Variants in ZBTB20 observed in about 807,000 individuals in gnomAD.
The protein encoded by ZBTB20 is zinc finger and BTB domain-containing protein 20.
In ZBTB20, 9 loss-of-function variants were observed where a neutral mutation model predicts 56.9. That is an observed-to-expected ratio of 0.16 (90% CI 0.10 to 0.28). The LOEUF (loss-of-function observed/expected upper bound fraction) is 0.28. ZBTB20 is among the 10% of genes least tolerant of loss of function. ZBTB20 has a pLI of 1.00. For synonymous variants in ZBTB20, 417 were observed against 420.7 expected (o/e 0.99, Z 0.11); for missense variants, 655 against 1,003.0 (o/e 0.65, Z 4.69).
intron 7 of ZBTB20, among the ~76,000 whole-genome samples, chr3:114,401,513 C>T (rs368601083): frequency 6.6e-6 from 1 of 151,930 alleles, no homozygotes; most frequent in Admixed American, 6.6e-5. Flanking sequence ...GGTTCTTGGC[C>T]GAGATCATTT....
intron 8 of ZBTB20, among the ~76,000 whole-genome samples, chr3:114,383,885 A>G (rs1289886463): frequency 2.0e-5 from 3 of 152,224 alleles, no homozygotes; most frequent in Non-Finnish European, 4.4e-5. Context: ...GGCTGTATAA[A>G]AAGAATTATA....
intron 1 of ZBTB20, among the ~76,000 whole-genome samples, chr3:115,125,377 T>C (rs934403552): frequency 1.3e-5 from 2 of 150,880 alleles, no homozygotes; most frequent in Non-Finnish European, 2.9e-5. Flanking sequence ...GTGACATACA[T>C]ACACAATGGA....
intron 2 of ZBTB20, among the ~76,000 whole-genome samples, chr3:115,013,981 C>T (rs1205843085): frequency 6.6e-6 from 1 of 150,992 alleles, no homozygotes; most frequent in South Asian, 2.1e-4. Flanking sequence ...ATCTGCACTC[C>T]TATGTTTATT....
intron 5 of ZBTB20, among the ~76,000 whole-genome samples, chr3:114,778,143 C>T (rs1375064101): frequency 6.8e-6 from 1 of 148,036 alleles, no homozygotes; most frequent in Non-Finnish European, 1.5e-5. Flanking sequence ...ATACCTAATG[C>T]TAAATGACGA....
rs2108001698 is a variant in ZBTB20 at position 114,321,997 on chromosome 3, A to T, written c.*17008T>A. ...TCCAAGCATTTTCCTTGCCATGGGC[A>T]TGGGCGTTTCAACCACTCCAGAAAT... On this transcript the variant is annotated 3_prime_UTR_variant, in exon 12 of 12. Coordinates refer to ENST00000675478, the MANE Select transcript of ZBTB20 (RefSeq NM_001348800.3). 1 of 152,404 alleles carries T rather than the reference A, an allele frequency of 6.6e-6. No homozygotes were observed. Among genetic ancestry groups the T allele is most frequent in the South Asian group, 2.1e-4 (1 of 4,830 alleles). 9.4% of individuals were successfully genotyped at this position (152,404 alleles called of 1,614,324 possible).
intron 11 of ZBTB20, among the ~76,000 whole-genome samples, chr3:114,348,671 C>T (rs2722015): frequency 0.39 from 59,079 of 152,020 alleles, 11,747 homozygotes; most frequent in South Asian, 0.42. Context: ...AGGCAAAGTT[C>T]ATCTTAAGCA....
At chr3:114,661,358 G>A (rs770168259) in intron 6 of ZBTB20, among the ~76,000 whole-genome samples, 3 of 152,102 alleles carry the variant, frequency 2.0e-5, no homozygotes, top group Non-Finnish European at 4.4e-5. Context: ...CGAAAGATGT[G>A]ATTTTTGGAG....
At chr3:114,846,699 G>C (rs1018837188) in intron 4 of ZBTB20, among the ~76,000 whole-genome samples, 1 of 152,196 alleles carries the variant, frequency 6.6e-6, no homozygotes. Context: ...GTTTCTCTAT[G>C]AATTTTACTA....
intron 3 of ZBTB20, among the ~76,000 whole-genome samples, chr3:114,947,007 A>G (rs1560426131): frequency 1.4e-5 from 2 of 145,698 alleles, no homozygotes; most frequent in African/African-American, 5.6e-5. Flanking sequence ...AGACATGAAT[A>G]GCCATTTTTC....
chr3:114,579,485 T>A (rs2054423669), intron 6 of ZBTB20, among the ~76,000 whole-genome samples: 1 of 150,180 alleles, frequency 6.7e-6, no homozygotes, highest in East Asian at 1.9e-4. Context: ...TTATTGAAAG[T>A]AAAAGGGTAA....
intron 4 of ZBTB20, among the ~76,000 whole-genome samples, chr3:114,812,951 C>T (rs1375075310): frequency 2.0e-5 from 3 of 149,016 alleles, no homozygotes; most frequent in African/African-American, 2.5e-5. Flanking sequence ...GCTCCGAGTG[C>T]GGGGTCCGTC....
chr3:115,079,820 A>G (rs548593425), intron 1 of ZBTB20, among the ~76,000 whole-genome samples: 44 of 152,342 alleles, frequency 2.9e-4, no homozygotes, highest in Non-Finnish European at 5.7e-4. Flanking sequence ...TATTATCCAT[A>G]CTTTAAAAAT....
intron 4 of ZBTB20, among the ~76,000 whole-genome samples, chr3:114,840,739 GACAAAAAAAAGTAGTTCTC>G (rs1312449626): frequency 6.6e-6 from 1 of 151,612 alleles, no homozygotes; most frequent in African/African-American, 2.4e-5. Flanking sequence ...CATTAAAACA[GACAAAAAAAAGTAGTTCTC>G]ACAATAATTT....
At chr3:114,880,800 T>C (rs2076369050) in intron 4 of ZBTB20, among the ~76,000 whole-genome samples, 3 of 152,162 alleles carry the variant, frequency 2.0e-5, no homozygotes, top group South Asian at 4.1e-4. Flanking sequence ...AATATATTGC[T>C]AGTTGAAAAA....
At chr3:115,019,558 C>G (rs778563685) in intron 2 of ZBTB20, among the ~76,000 whole-genome samples, 1 of 151,196 alleles carries the variant, frequency 6.6e-6, no homozygotes, top group Non-Finnish European at 1.5e-5. Context: ...GAAAAATTAG[C>G]GGACATCTAA....
intron 5 of ZBTB20, among the ~76,000 whole-genome samples, chr3:114,789,797 G>A (rs752253011): frequency 1.3e-5 from 2 of 152,062 alleles, no homozygotes; most frequent in Non-Finnish European, 2.9e-5. Flanking sequence ...AATGGTCTGC[G>A]GAAGTCATGA....
chr3:114,468,112 G>A (rs1400768084), intron 7 of ZBTB20, among the ~76,000 whole-genome samples: 1 of 152,098 alleles, frequency 6.6e-6, no homozygotes, highest in Non-Finnish European at 1.5e-5. Flanking sequence ...AGGTGCTTTA[G>A]AAGAACAAAC....
chr3:114,704,512 T>C (rs1445698135), intron 5 of ZBTB20, among the ~76,000 whole-genome samples: 3 of 152,042 alleles, frequency 2.0e-5, no homozygotes, highest in African/African-American at 7.2e-5. Context: ...ATGACAAATA[T>C]ACAAAGAACA....
intron 6 of ZBTB20, among the ~76,000 whole-genome samples, chr3:114,621,127 T>C (rs1290182034): frequency 6.6e-6 from 1 of 152,182 alleles, no homozygotes; most frequent in African/African-American, 2.4e-5. Context: ...TTTTAAACTT[T>C]TATATATATA....
Sources: allele counts gnomAD v4.1 joint callset (sites outside exome capture counted in the v4.1 genomes callset), GRCh38; gene constraint gnomAD v4.1.1; transcripts MANE v1.5; gene names NCBI Gene and HGNC (gene_info 2026-07-23, HGNC 2026-07-21).